The following ACTL8 variants were observed in gnomAD, a reference collection of about 807,000 sequenced individuals.
ACTL8 encodes the protein actin-like protein 8.
A neutral mutation model predicts 9.3 loss-of-function variants in ACTL8; 3 were observed. The ratio of observed to expected loss-of-function variants is 0.32; its 90% CI spans 0.15 to 0.83. The LOEUF (loss-of-function observed/expected upper bound fraction) is 0.83. Ranked by LOEUF, ACTL8 falls within the 40% of genes least tolerant of loss-of-function variation. The probability of loss-of-function intolerance (pLI) is 0.57; values close to 1 mark genes in which losing one functional copy is unlikely to be tolerated. For missense variants in ACTL8, 381 were observed against 492.2 expected (o/e 0.77, Z 2.14); for synonymous variants, 224 against 205.9 (o/e 1.09, Z -0.75).
intron 1 of ACTL8, among the ~76,000 whole-genome samples, chr1:17,784,801 A>G (rs1268246679): frequency 1.3e-5 from 2 of 152,220 alleles, no homozygotes; most frequent in Non-Finnish European, 2.9e-5. Context: ...GAGACACAAC[A>G]TGGGCTTGGG....
intron 1 of ACTL8, among the ~76,000 whole-genome samples, chr1:17,794,429 G>A (rs533136102): frequency 3.5e-4 from 54 of 152,292 alleles, no homozygotes; most frequent in African/African-American, 1.2e-3. Flanking sequence ...GACTGTTGGT[G>A]GCATTGTCCA....
intron 1 of ACTL8, among the ~76,000 whole-genome samples, chr1:17,769,062 T>TGA: frequency 6.6e-6 from 1 of 152,230 alleles, no homozygotes; most frequent in South Asian, 2.1e-4. Context: ...TTGGACAAAG[T>TGA]CACATAGTGA....
chr1:17,761,109 C>T lies in ACTL8; in HGVS notation c.-25+5605C>T, dbSNP rs950928396. ...AAAGAGGAGCTACCCTATGCAAACT[C>T]GGGGACAGGGGTCATTGCGGCTTAA... On this transcript the variant is annotated intron_variant, in intron 1 of 2. Coordinates refer to ENST00000375406, the MANE Select transcript of ACTL8 (RefSeq NM_030812.3). Among the ~76,000 whole-genome samples the T allele has an allele frequency of 4.7e-5, 7 of 148,286 alleles. No individual in the cohort carries two copies. The South Asian group carries it at 1.1e-3, about 23-fold the overall frequency.
chr1:17,769,632 C>T (rs1051091012), intron 1 of ACTL8, among the ~76,000 whole-genome samples: 1 of 152,086 alleles, frequency 6.6e-6, no homozygotes, highest in Non-Finnish European at 1.5e-5. Context: ...CACATGCCTG[C>T]AGGGGCCCTC....
chr1:17,789,855 G>A (rs1260072996), intron 1 of ACTL8, among the ~76,000 whole-genome samples: 1 of 152,074 alleles, frequency 6.6e-6, no homozygotes, highest in African/African-American at 2.4e-5. Context: ...TTTTCTGGCT[G>A]GAAACCTCTG....
chr1:17,791,983 G>C (rs1456483283), intron 1 of ACTL8, among the ~76,000 whole-genome samples: 1 of 151,540 alleles, frequency 6.6e-6, no homozygotes, highest in East Asian at 1.9e-4. Context: ...GGCATCCTTG[G>C]CTTGGGATCC....
rs1168216069 is a variant in ACTL8, at chr1:17,767,149, A to AAG, written c.-25+11647_-25+11648dup. Among the ~76,000 whole-genome samples the AAG allele has an allele frequency of 6.6e-6, 1 of 152,120 alleles. No homozygotes were observed. The highest frequency in any genetic ancestry group is 1.5e-5 in the Non-Finnish European group (1 of 68,030). ...GGAAGCGAGACGGGTGAGCATCATG[A>AAG]AGAAGGGGTTCCAGGCAGAGAGCAG... On this transcript the variant is annotated intron_variant, in intron 1 of 2. Coordinates refer to ENST00000375406, the MANE Select transcript of ACTL8 (RefSeq NM_030812.3). The surrounding 1 kb of genome is among the most constrained non-coding windows in gnomAD (Gnocchi z 4.7).
At chr1:17,784,534 C>T (rs1042040484) in intron 1 of ACTL8, among the ~76,000 whole-genome samples, 1 of 152,182 alleles carries the variant, frequency 6.6e-6, no homozygotes, top group Admixed American at 6.5e-5. Flanking sequence ...ACCCACTTTC[C>T]CAGAAGTTGT....
intron 1 of ACTL8, among the ~76,000 whole-genome samples, chr1:17,783,888 A>G (rs1299108458): frequency 1.7e-4 from 26 of 152,210 alleles, no homozygotes; most frequent in Admixed American, 1.7e-3. Context: ...CTTGGAGCTT[A>G]AGAGTCTCTA....
Position 17,825,908 on chromosome 1 carries a change from C to T in ACTL8, c.490C>T (p.Arg164Cys), listed in dbSNP as rs774153871. ...CCGCGTGCAGCCTTTCCACCAGGGCCGCCCCTTGCCCGCCAGCGGCAAGAC... is the reference window on the plus strand; with the variant it reads ...CCGCGTGCAGCCTTTCCACCAGGGCTGCCCCTTGCCCGCCAGCGGCAAGAC... ...LTRVQPFHQG[R>C]PLPASGKTLE... The change falls in exon 3 of 3, where the codon CGC becomes TGC. Residue 164 changes from arginine (R) to cysteine (C), a missense_variant. By Grantham distance (180) the Arg-to-Cys change is radical. Around this residue, in one of 3 missense-constraint regions of ACTL8, gnomAD observed 243 missense variants for 276.2 expected, o/e 0.88. Coordinates refer to ENST00000375406, the MANE Select transcript of ACTL8 (RefSeq NM_030812.3). The T allele has an allele frequency of 4.3e-6, 7 of 1,612,940 alleles. No homozygotes were observed. The highest frequency in any genetic ancestry group is 2.7e-5 in the African/African-American group (2 of 74,954).
intron 1 of ACTL8, among the ~76,000 whole-genome samples, chr1:17,764,845 C>A (rs2066032913): frequency 6.6e-6 from 1 of 152,266 alleles, no homozygotes. Flanking sequence ...TTCCATCTCT[C>A]CATTTAGCCT....
chr1:17,814,357 A>G (rs1217860318), intron 1 of ACTL8, among the ~76,000 whole-genome samples: 3 of 152,226 alleles, frequency 2.0e-5, no homozygotes, highest in African/African-American at 4.8e-5. Flanking sequence ...AATACATACA[A>G]TTATATTACA....
At chr1:17,800,905 A>G (rs2066317555) in intron 1 of ACTL8, among the ~76,000 whole-genome samples, 1 of 152,070 alleles carries the variant, frequency 6.6e-6, no homozygotes, top group African/African-American at 2.4e-5. Context: ...CTTGGTGTCA[A>G]TCTTAAGAGA....
chr1:17,760,603 G>A (rs550030233), intron 1 of ACTL8, among the ~76,000 whole-genome samples: 8 of 152,316 alleles, frequency 5.3e-5, no homozygotes, highest in African/African-American at 7.2e-5. Context: ...GAGCCCAGGG[G>A]GGTGGCAAAG....
At chr1:17,807,921 A>G (rs753075877) in intron 1 of ACTL8, among the ~76,000 whole-genome samples, 2 of 152,148 alleles carry the variant, frequency 1.3e-5, no homozygotes, top group African/African-American at 2.4e-5. Flanking sequence ...GCAGCAAACT[A>G]CCATGGCACG....
At chr1:17,804,389 A>G (rs1329860754) in intron 1 of ACTL8, among the ~76,000 whole-genome samples, 3 of 152,070 alleles carry the variant, frequency 2.0e-5, no homozygotes, top group Non-Finnish European at 4.4e-5. Flanking sequence ...CTGAACCTTC[A>G]CTTTGTCAAA....
At position 17,826,175 on chromosome 1, in the gene ACTL8, C is replaced by CG; in HGVS notation, c.760dup (p.Val254GlyfsTer4). ...CCGCGTGGAGCTGACCCCCATGCAG[C>CG]GGGTGGCTCCTGAGATGTTCTTTAG... On this transcript the variant is annotated frameshift_variant, in exon 3 of 3. Transcript: ENST00000375406. LOFTEE classifies it low-confidence loss of function (END_TRUNC). The surrounding 1 kb of genome is among the most constrained non-coding windows in gnomAD (Gnocchi z 4.5). The CG allele has an allele frequency of 6.2e-7, 1 of 1,613,030 alleles. No homozygotes were observed. Among genetic ancestry groups the CG allele is most frequent in the Non-Finnish European group, 8.5e-7 (1 of 1,179,802 alleles).
chr1:17,820,899 C>T (rs537054925), intron 1 of ACTL8, among the ~76,000 whole-genome samples: 1 of 152,298 alleles, frequency 6.6e-6, no homozygotes, highest in East Asian at 1.9e-4. Flanking sequence ...TGTCATTTGC[C>T]ATTCCCACCA....
chr1:17,761,059 G>A (rs1412073371), intron 1 of ACTL8, among the ~76,000 whole-genome samples: 1 of 152,036 alleles, frequency 6.6e-6, no homozygotes, highest in Non-Finnish European at 1.5e-5. Flanking sequence ...ACTGGTGGGG[G>A]TGGGTGCTTC....
Sources: allele counts gnomAD v4.1 joint callset (sites outside exome capture counted in the v4.1 genomes callset), GRCh38; gene constraint gnomAD v4.1.1; regional missense constraint gnomAD v4.1.1; non-coding constraint Gnocchi (gnomAD v3.1); transcripts MANE v1.5; gene names NCBI Gene and HGNC (gene_info 2026-07-23, HGNC 2026-07-21).